SLC5A10: variants seen among roughly 807,000 people sequenced by gnomAD.
The protein encoded by SLC5A10 is solute carrier family 5 member 10, also known as sodium/mannose cotransporter SLC5A10.
In SLC5A10, 55 loss-of-function variants were observed where a neutral mutation model predicts 68.9. That is an observed-to-expected ratio of 0.80 (90% CI 0.64 to 1.00). The LOEUF (loss-of-function observed/expected upper bound fraction) is 1.00. SLC5A10 is among the 50% of genes least tolerant of loss of function. The pLI is 0.00. For synonymous variants in SLC5A10, 344 were observed against 344.8 expected, an observed-to-expected ratio of 1.00 and a Z score of 0.02; for missense variants, 732 against 819.3, an observed-to-expected ratio of 0.89 and a Z score of 1.30.
rs1387068337 is a variant in SLC5A10, at chr17:19,019,745, G to T, written c.1443G>T (p.Val481=). ...TCTGGGGCCTGATAGCAGGGCTGGT[G>T]GTGGGGGCCACGAGGCTGGTCCTGG... The part of the protein sequence containing the change: ...GAFWGLIAGL[V]VGATRLVLEF... Residue 481 remains valine (V), a synonymous_variant, in exon 13 of 15, where the codon GTG becomes GTT. Transcript: ENST00000395645. The T allele has an allele frequency of 1.9e-6, 3 of 1,612,104 alleles. No individual in the cohort carries two copies. The East Asian group carries it at 6.7e-5, about 36-fold the overall frequency.
rs1200391381 is a variant in SLC5A10 at position 19,020,603 on chromosome 17, G to A, written c.*172G>A. ...GCGGGAGCCCTGAAAAATTAGGGGG[G>A]AAATGGGAGAAAATAATGTGACATT... On this transcript the variant is annotated 3_prime_UTR_variant, in exon 15 of 15. Coordinates refer to ENST00000395645, the MANE Select transcript of SLC5A10 (RefSeq NM_001042450.4). 1.3e-5 allele frequency: 8 copies of A among 596,618 alleles called. No homozygotes were observed. The highest frequency in any genetic ancestry group is 3.0e-5 in the Admixed American group (1 of 33,712). 37.0% of individuals were successfully genotyped at this position (596,618 alleles called of 1,614,324 possible).
rs749981637 is a variant in SLC5A10 at position 18,968,484 on chromosome 17, G to A, written c.454-568G>A. ...AGCAGCCACAGGTTCTGGGAGGGCA[G>A]GGGCTGTGTCCAGTCAGTGTGGAGA... On this transcript the variant is annotated intron_variant, in intron 5 of 14. Coordinates refer to ENST00000395645, the MANE Select transcript of SLC5A10 (RefSeq NM_001042450.4). This position sits in a 1 kb window ranked among gnomAD's most constrained non-coding sequence, Gnocchi z 4.1. Among the ~76,000 whole-genome samples, 147 of 152,344 alleles carry A rather than the reference G, an allele frequency of 9.6e-4. 1 individual carries two copies. Among genetic ancestry groups the A allele is most frequent in the Non-Finnish European group, 6.8e-4 (46 of 68,034 alleles).
Position 19,019,811 on chromosome 17 carries a change from G to A in SLC5A10, c.1509G>A (p.Thr503=), listed in dbSNP as rs61224181. 7.9e-3 allele frequency: 12,710 copies of A among 1,613,348 alleles called. 1,005 individuals carry two copies. The East Asian group carries it at 0.19, about 24-fold the overall frequency. The change falls in exon 13 of 15, where the codon ACG becomes ACA. Residue 503 remains threonine, a synonymous_variant. Transcript: ENST00000395645. ...CCCCACCGTGCGGAGAGCCAGACAC[G>A]CGGCCAGCCGTCCTGGGGAGCATCC... ...NPAPPCGEPD[T]RPAVLGSIHY...
intron 5 of SLC5A10, among the ~76,000 whole-genome samples, chr17:18,966,181 GAC>G (rs2042705478): frequency 6.6e-6 from 1 of 152,144 alleles, no homozygotes; most frequent in Admixed American, 6.5e-5. Flanking sequence ...TAGTGGAAAG[GAC>G]AGTTTGTGCA....
chr17:18,977,599 T>TG, intron 9 of SLC5A10: 5 of 1,608,730 alleles, frequency 3.1e-6, no homozygotes, highest in Non-Finnish European at 3.4e-6. Flanking sequence ...CCTCCTTGTC[T>TG]GTGGAGCGCT....
rs996763650 is a variant in SLC5A10, at chr17:18,988,484, C to A, written c.982+11495C>A. 1.9e-5 allele frequency: 30 copies of A among 1,581,786 alleles called. 1 individual carries two copies. In the Middle Eastern group the frequency reaches 1.7e-3, roughly 89 times the overall value. ...GTGGGGACAGGGTGCCCTGGCAGAG[C>A]GCACAGCCCTCCCATGCCACCAGCC... On this transcript the variant is annotated intron_variant, in intron 9 of 14. Transcript: ENST00000395645.
Position 19,004,033 on chromosome 17 carries a change from G to T in SLC5A10, c.983-9377G>T. The T allele has an allele frequency of 6.3e-7, 1 of 1,592,552 alleles. No individual in the cohort carries two copies. The highest frequency in any genetic ancestry group is 8.6e-7 in the Non-Finnish European group (1 of 1,167,398). On this transcript the variant is annotated intron_variant, in intron 9 of 14. Transcript: ENST00000395645. This position sits in a 1 kb window ranked among gnomAD's most constrained non-coding sequence, Gnocchi z 5.4. ...TGTCGTCCAGACACTGCACCTGAGA[G>T]AAGGCCATGGCGCCGCCTGCCCGGG... is the stretch of plus-strand genomic sequence containing the variant.
rs957663914 is a variant in SLC5A10 at position 19,022,088 on chromosome 17, C to T, written c.*1657C>T. 3.8e-6 allele frequency: 6 copies of T among 1,587,292 alleles called. No individual in the cohort carries two copies. The Admixed American group carries it at 8.9e-5, about 23-fold the overall frequency. On this transcript the variant is annotated 3_prime_UTR_variant, in exon 15 of 15. Coordinates refer to ENST00000395645, the MANE Select transcript of SLC5A10 (RefSeq NM_001042450.4). Reference sequence around the variant, plus strand: ...TGTCGCCACGGCGGAAGCTGAGCTGCGAGGGGTCCTGGGCTGAGAAGTCAA... The same window carrying T: ...TGTCGCCACGGCGGAAGCTGAGCTGTGAGGGGTCCTGGGCTGAGAAGTCAA...
At chr17:18,982,268 A>C (rs981109267) in intron 9 of SLC5A10, among the ~76,000 whole-genome samples, 4 of 152,082 alleles carry the variant, frequency 2.6e-5, no homozygotes, top group Admixed American at 2.6e-4. Flanking sequence ...GCTCAGCAGC[A>C]GGTGGGGGCC....
chr17:19,019,099 G>A (rs1051643560), intron 11 of SLC5A10: 3 of 326,634 alleles, frequency 9.2e-6, no homozygotes, highest in Non-Finnish European at 1.1e-5. Flanking sequence ...TGTAGTGACT[G>A]GGACAGGTGC....
Position 18,966,045 on chromosome 17 carries a change from G to A in SLC5A10, c.454-3007G>A, listed in dbSNP as rs9895133. ...TGGCACACACGCACATTTGTCACCTGTCAAAAGTGGCAAGTCAGCAGGGAG... is the reference window on the plus strand; with the variant it reads ...TGGCACACACGCACATTTGTCACCTATCAAAAGTGGCAAGTCAGCAGGGAG... On this transcript the variant is annotated intron_variant, in intron 5 of 14. Transcript: ENST00000395645. 5.1e-3 allele frequency among the ~76,000 whole-genome samples: 782 copies of A among 152,342 alleles called. 5 individuals carry two copies. Among genetic ancestry groups the A allele is most frequent in the African/African-American group, 0.018 (732 of 41,578 alleles).
chr17:18,991,654 C>T (rs973110370), intron 9 of SLC5A10, among the ~76,000 whole-genome samples: 1 of 152,210 alleles, frequency 6.6e-6, no homozygotes, highest in Non-Finnish European at 1.5e-5. Flanking sequence ...GAGCAGCTGG[C>T]ACAGGGGCAG....
At chr17:19,011,223 G>A (rs1285678102) in intron 9 of SLC5A10, among the ~76,000 whole-genome samples, 1 of 152,214 alleles carries the variant, frequency 6.6e-6, no homozygotes, top group Non-Finnish European at 1.5e-5. Context: ...TACTGCCTTG[G>A]GGGTTGGGAG....
Position 19,020,548 on chromosome 17 carries a change from C to T in SLC5A10, c.*117C>T, listed in dbSNP as rs141856816. 836 of 961,672 alleles carry T rather than the reference C, an allele frequency of 8.7e-4. No homozygotes were observed. The highest frequency in any genetic ancestry group is 1.2e-3 in the Non-Finnish European group (749 of 649,218). The allele number at this position is 961,672 out of a possible 1,614,324, so 59.6% of individuals were successfully genotyped here. ...TTCCCCTCACAGCTGCACAGCAGCTCGGTGCCCAAGAACTGGCCAAGCCAG... is the reference window on the plus strand; with the variant it reads ...TTCCCCTCACAGCTGCACAGCAGCTTGGTGCCCAAGAACTGGCCAAGCCAG... On this transcript the variant is annotated 3_prime_UTR_variant, in exon 15 of 15. Coordinates refer to ENST00000395645, the MANE Select transcript of SLC5A10 (RefSeq NM_001042450.4).
chr17:18,979,135 T>TG lies in SLC5A10; in HGVS notation c.982+2152dup, dbSNP rs2043064240. On this transcript the variant is annotated intron_variant, in intron 9 of 14. Coordinates refer to ENST00000395645, the MANE Select transcript of SLC5A10 (RefSeq NM_001042450.4). ...CAGCTCAGGAAGGCCCTGGACACTG[T>TG]GGGGGGTTCTGCATGTGGTGGCCGC... 9.6e-6 allele frequency: 5 copies of TG among 518,482 alleles called. No individual in the cohort carries two copies. In the Admixed American group the frequency reaches 1.6e-4, roughly 17 times the overall value. 32.1% of individuals were successfully genotyped at this position (518,482 alleles called of 1,614,324 possible).
At chr17:19,010,738 G>T (rs1444229099) in intron 9 of SLC5A10, among the ~76,000 whole-genome samples, 1 of 152,210 alleles carries the variant, frequency 6.6e-6, no homozygotes, top group Non-Finnish European at 1.5e-5. Context: ...TAGGTTCAGA[G>T]CCCATCAGCA....
intron 9 of SLC5A10, chr17:18,978,314 T>G (rs765166096): frequency 2.5e-6 from 4 of 1,609,342 alleles, no homozygotes; most frequent in Non-Finnish European, 3.4e-6. Flanking sequence ...CTGGGAGGTG[T>G]CACGGATCTT....
At chr17:18,984,094 G>A (rs1426945275) in intron 9 of SLC5A10, among the ~76,000 whole-genome samples, 3 of 152,116 alleles carry the variant, frequency 2.0e-5, no homozygotes, top group Admixed American at 6.5e-5. Flanking sequence ...TGTAATCCCC[G>A]CACTTTGGGA....
chr17:18,968,882 C>T lies in SLC5A10; in HGVS notation c.454-170C>T, dbSNP rs1054291455. 4.9e-6 allele frequency: 3 copies of T among 615,096 alleles called. No individual in the cohort carries two copies. The highest frequency in any genetic ancestry group is 8.5e-6 in the Non-Finnish European group (3 of 353,778). The allele number at this position is 615,096 out of a possible 1,614,324, so 38.1% of individuals were successfully genotyped here. On this transcript the variant is annotated intron_variant, in intron 5 of 14. Transcript: ENST00000395645. The surrounding 1 kb of genome is among the most constrained non-coding windows in gnomAD (Gnocchi z 4.1). ...CTTGTAGCTCCACGGCCAGGTCTTC[C>T]CCCAACCTCACAATGGCCCCGTGAT...
Sources: gnomAD v4.1 joint callset for allele counts (sites outside exome capture counted in the v4.1 genomes callset) on GRCh38, gnomAD v4.1.1 for gene constraint, Gnocchi (gnomAD v3.1) non-coding constraint, MANE v1.5 for transcripts, NCBI Gene and HGNC (gene_info 2026-07-23, HGNC 2026-07-21) for gene names.